Variants in BABAM2 observed in about 807,000 individuals in gnomAD.
The protein encoded by BABAM2 is BRISC and BRCA1 A complex member 2.
BABAM2 carries 31 observed loss-of-function variants against 54.7 expected under a neutral mutation model. The observed-to-expected ratio is 0.57, with a 90% confidence interval of 0.43 to 0.77. BABAM2 has a LOEUF of 0.77. Ranked by LOEUF, BABAM2 falls within the 30% of genes least tolerant of loss-of-function variation. The pLI is 0.00. For missense variants in BABAM2, 364 were observed against 455.8 expected (o/e 0.80, Z 1.83); for synonymous variants, 167 against 162.9 (o/e 1.03, Z -0.19).
At chr2:28,006,686 A>G (rs1673999259) in intron 4 of BABAM2, among the ~76,000 whole-genome samples, 1 of 152,080 alleles carries the variant, frequency 6.6e-6, no homozygotes. Flanking sequence ...AATGATACTA[A>G]GTATGCTTTA....
At chr2:28,129,225 G>A (rs1201948491) in intron 6 of BABAM2, 46 bp from the exon 7 acceptor site, 1 of 1,522,708 alleles carries the variant, frequency 6.6e-7, no homozygotes, top group South Asian at 1.1e-5. Flanking sequence ...CTAATAAGAT[G>A]TTAGGAGAAC....
chr2:28,244,222 T>C (rs1375302936), intron 9 of BABAM2, among the ~76,000 whole-genome samples: 1 of 152,162 alleles, frequency 6.6e-6, no homozygotes, highest in Non-Finnish European at 1.5e-5. Flanking sequence ...CACAGTTGTC[T>C]GGTGTGATTG....
intron 3 of BABAM2, among the ~76,000 whole-genome samples, chr2:27,946,651 G>A (rs988842095): frequency 3.3e-5 from 5 of 151,798 alleles, no homozygotes; most frequent in Non-Finnish European, 7.4e-5. Context: ...AAAGAGAGGC[G>A]AGAGAGAGAG....
Position 27,894,639 on chromosome 2 carries a change from G to T in BABAM2, c.83G>T (p.Gly28Val). 6.2e-7 allele frequency: 1 copy of T among 1,614,158 alleles called. No individual in the cohort carries two copies. The highest frequency in any genetic ancestry group is 8.5e-7 in the Non-Finnish European group (1 of 1,180,026). The change falls in exon 2 of 12, where the codon GGA (glycine) becomes GTA (valine). Residue 28 changes from glycine to valine, a missense_variant. Transcript: ENST00000379624. ...AGCGTGGTCCGGAATGGAAAAGTGGGACTGGATGCTACAAACTGTTTGAGG... is the reference window on the plus strand; with the variant it reads ...AGCGTGGTCCGGAATGGAAAAGTGGTACTGGATGCTACAAACTGTTTGAGG... ...ISSVVRNGKV[G>V]LDATNCLRIT...
At chr2:28,158,009 G>A (rs141445293) in intron 7 of BABAM2, among the ~76,000 whole-genome samples, 344 of 152,304 alleles carry the variant, frequency 2.3e-3, no homozygotes, top group African/African-American at 8.1e-3. Context: ...AGTTATCCAA[G>A]CATGCAAGCT....
At chr2:28,314,207 A>G (rs546336326) in intron 11 of BABAM2, among the ~76,000 whole-genome samples, 16 of 152,220 alleles carry the variant, frequency 1.1e-4, no homozygotes, top group Admixed American at 2.6e-4. Flanking sequence ...TAAGTGCTTT[A>G]TGTTTTTTAA....
chr2:28,049,712 C>T (rs1677860926), intron 6 of BABAM2, among the ~76,000 whole-genome samples: 1 of 152,196 alleles, frequency 6.6e-6, no homozygotes, highest in Non-Finnish European at 1.5e-5. Context: ...CAGTGCAGAG[C>T]CCAGGTCACT....
In BABAM2 at chr2:28,232,503, G is replaced by A. The variant is rs114423746; in HGVS notation, c.681-4699G>A. Among the ~76,000 whole-genome samples, 873 of 152,288 alleles carry A rather than the reference G, an allele frequency of 5.7e-3. 7 individuals carry two copies. The highest frequency in any genetic ancestry group is 0.02 in the African/African-American group (820 of 41,556). ...AAATGTGTCATTAAGCAGTATTGTC[G>A]TTGTGCAAACATCATAGAATGTACC... On this transcript the variant is annotated intron_variant, in intron 7 of 11. Coordinates refer to ENST00000379624, the MANE Select transcript of BABAM2 (RefSeq NM_199191.3).
intron 7 of BABAM2, among the ~76,000 whole-genome samples, chr2:28,236,005 C>T (rs1401577173): frequency 6.6e-6 from 1 of 152,102 alleles, no homozygotes; most frequent in African/African-American, 2.4e-5. Context: ...TATTGTCACA[C>T]CTTTTTCTTC....
intron 7 of BABAM2, among the ~76,000 whole-genome samples, chr2:28,192,900 C>T (rs976566427): frequency 7.9e-5 from 12 of 151,572 alleles, no homozygotes; most frequent in Admixed American, 5.3e-4. Context: ...TGGCTGGGTG[C>T]GGTGGCTGAC....
chr2:28,009,473 T>C (rs1329351453), intron 4 of BABAM2, among the ~76,000 whole-genome samples: 1 of 152,152 alleles, frequency 6.6e-6, no homozygotes, highest in East Asian at 1.9e-4. Flanking sequence ...TGTTTGACGA[T>C]GAGTTGATGG....
chr2:27,894,773 T>A (rs1419937468), intron 2 of BABAM2, 89 bp downstream of exon 2: 1 of 1,506,486 alleles, frequency 6.6e-7, no homozygotes, highest in African/African-American at 1.4e-5. Context: ...TCATAAAAAT[T>A]GACTGCCACA....
intron 6 of BABAM2, among the ~76,000 whole-genome samples, chr2:28,108,517 C>A (rs1024032013): frequency 6.6e-6 from 1 of 152,142 alleles, no homozygotes; most frequent in Non-Finnish European, 1.5e-5. Context: ...TAACCCAAGC[C>A]AGTGATAAAG....
rs189827583 is a variant in BABAM2 at position 28,114,391 on chromosome 2, C to T, written c.571-14880C>T. Among the ~76,000 whole-genome samples the T allele has an allele frequency of 1.9e-4, 29 of 152,260 alleles. No individual in the cohort carries two copies. The East Asian group carries it at 3.1e-3, about 16-fold the overall frequency. The stretch of plus-strand genomic sequence containing the variant: ...AGCATAATGTCAGAAAAGAGTCTAA[C>T]GAATTCATTCTCGGTATATAGAAAC... On this transcript the variant is annotated intron_variant, in intron 6 of 11. Coordinates refer to ENST00000379624, the MANE Select transcript of BABAM2 (RefSeq NM_199191.3).
At chr2:27,897,368 G>A (rs747561870) in intron 2 of BABAM2, among the ~76,000 whole-genome samples, 20 of 152,086 alleles carry the variant, frequency 1.3e-4, no homozygotes, top group Admixed American at 9.8e-4. Flanking sequence ...TGGAATAGTA[G>A]GATGCTTTTG....
chr2:27,928,621 C>T (rs1667879479), intron 2 of BABAM2, among the ~76,000 whole-genome samples: 1 of 152,098 alleles, frequency 6.6e-6, no homozygotes, highest in African/African-American at 2.4e-5. Flanking sequence ...ACTATGCATC[C>T]ATCCGTTAAA....
At chr2:28,017,889 T>C (rs961164899) in intron 4 of BABAM2, among the ~76,000 whole-genome samples, 1 of 152,250 alleles carries the variant, frequency 6.6e-6, no homozygotes, top group African/African-American at 2.4e-5. Context: ...TGTGTACACA[T>C]TGTATTTATT....
At chr2:28,095,724 AAGGTTT>A (rs1558330478) in intron 6 of BABAM2, among the ~76,000 whole-genome samples, 1 of 152,222 alleles carries the variant, frequency 6.6e-6, no homozygotes, top group African/African-American at 2.4e-5. Flanking sequence ...CATGTAAAAC[AAGGTTT>A]CATTAATGGA....
chr2:28,305,937 A>G (rs889017902), intron 11 of BABAM2, among the ~76,000 whole-genome samples: 1 of 152,012 alleles, frequency 6.6e-6, no homozygotes, highest in African/African-American at 2.4e-5. Context: ...TTTCATTATT[A>G]TTTTATTAGA....
Sources: allele counts gnomAD v4.1 joint callset (sites outside exome capture counted in the v4.1 genomes callset), GRCh38; gene constraint gnomAD v4.1.1; transcripts MANE v1.5; gene names NCBI Gene and HGNC (gene_info 2026-07-23, HGNC 2026-07-21).